RBMS1: variants seen among roughly 807,000 people sequenced by gnomAD.
RBMS1 encodes the protein RNA-binding motif, single-stranded-interacting protein 1.
Under a neutral mutation model 62.3 loss-of-function variants are expected in RBMS1, and 17 were observed. The observed-to-expected ratio is 0.27, with a 90% CI of 0.19 to 0.41. The LOEUF (loss-of-function observed/expected upper bound fraction) is 0.41. Ranked by LOEUF, RBMS1 falls within the 10% of genes least tolerant of loss-of-function variation. The probability of loss-of-function intolerance (pLI) is 1.00; values close to 1 mark genes in which losing one functional copy is unlikely to be tolerated. For synonymous variants in RBMS1, 172 were observed against 170.0 expected, an observed-to-expected ratio of 1.01 and a Z score of -0.09; for missense variants, 334 against 504.5, an observed-to-expected ratio of 0.66 and a Z score of 3.24.
chr2:160,381,647 C>A (rs986794834), intron 1 of RBMS1, among the ~76,000 whole-genome samples: 2 of 152,158 alleles, frequency 1.3e-5, no homozygotes, highest in Non-Finnish European at 2.9e-5. Context: ...GAGGCATATG[C>A]CATTCAGTTT....
At chr2:160,368,499 CCCCTTACAA>C (rs1432757589) in intron 1 of RBMS1, among the ~76,000 whole-genome samples, 2 of 152,146 alleles carry the variant, frequency 1.3e-5, no homozygotes, top group Non-Finnish European at 2.9e-5. Context: ...GAGAAGCAGA[CCCCTTACAA>C]TAAGCATATC....
chr2:160,402,169 T>A (rs1193317419), intron 1 of RBMS1: 1 of 152,190 alleles, frequency 6.6e-6, no homozygotes, highest in African/African-American at 2.4e-5. Flanking sequence ...GGCACTATTA[T>A]CTTTACTTAG....
chr2:160,479,216 G>C (rs1477732736), intron 1 of RBMS1, among the ~76,000 whole-genome samples: 2 of 152,234 alleles, frequency 1.3e-5, no homozygotes, highest in African/African-American at 2.4e-5. Context: ...AAAATCTTTA[G>C]GAATGTGGCA....
intron 1 of RBMS1, among the ~76,000 whole-genome samples, chr2:160,404,074 A>G (rs1045751171): frequency 1.5e-4 from 23 of 152,194 alleles, no homozygotes; most frequent in African/African-American, 4.8e-4. Context: ...GATTTGCTTA[A>G]TGAACACCAT....
intron 3 of RBMS1, 137 bp downstream of exon 3, chr2:160,318,032 G>T: frequency 7.6e-7 from 1 of 1,321,344 alleles, no homozygotes; most frequent in Non-Finnish European, 1.0e-6. Flanking sequence ...CTGACACTGT[G>T]CAAGACAGAA....
At chr2:160,370,404 G>A (rs1031709871) in intron 1 of RBMS1, among the ~76,000 whole-genome samples, 2 of 152,216 alleles carry the variant, frequency 1.3e-5, no homozygotes, top group Admixed American at 6.5e-5. Context: ...GGAGGCCGAG[G>A]TGGGTGGATC....
At chr2:160,450,556 T>TAGAAAAAAAAAAAAAAAAAAAA (rs1349442120) in intron 1 of RBMS1, among the ~76,000 whole-genome samples, 3 of 9,556 alleles carry the variant, frequency 3.1e-4, no homozygotes, top group Non-Finnish European at 7.5e-4. Context: ...AAATAAAAAA[T>TAGAAAAAAAAAAAAAAAAAAAA]AAAAAATGAA....
At chr2:160,440,112 CT>C (rs1683350748) in intron 1 of RBMS1, among the ~76,000 whole-genome samples, 1 of 81,918 alleles carries the variant, frequency 1.2e-5, no homozygotes, top group Non-Finnish European at 2.6e-5. Flanking sequence ...GGGGAGAGGG[CT>C]TTTTTCTTTT....
chr2:160,351,292 A>C lies in RBMS1; in HGVS notation c.251+15924T>G, dbSNP rs948034395. ...ATATACATATGTAACAAACCTGCAC[A>C]TTGTGTACATGTACCCTAGAACTTA... On this transcript the variant is annotated intron_variant, in intron 2 of 13. Coordinates refer to ENST00000348849, the MANE Select transcript of RBMS1 (RefSeq NM_016836.4). Among the ~76,000 whole-genome samples the C allele has an allele frequency of 2.6e-5, 4 of 152,132 alleles. No homozygotes were observed. The East Asian group carries it at 7.8e-4, about 30-fold the overall frequency.
chr2:160,426,965 G>A (rs1310474562), intron 1 of RBMS1, among the ~76,000 whole-genome samples: 1 of 152,214 alleles, frequency 6.6e-6, no homozygotes, highest in East Asian at 1.9e-4. Context: ...CCAAAGTAAG[G>A]CCGGAAACGG....
intron 4 of RBMS1, among the ~76,000 whole-genome samples, chr2:160,306,945 G>A (rs935150957): frequency 1.3e-5 from 2 of 152,018 alleles, no homozygotes; most frequent in African/African-American, 2.4e-5. Flanking sequence ...AATTATAGGT[G>A]ACCAAACATA....
In RBMS1 at chr2:160,303,486, T is replaced by A; in HGVS notation, c.404A>T (p.Gln135Leu). The change falls in exon 5 of 14, where the codon CAA (glutamine) becomes CTA (leucine). Residue 135 changes from glutamine (Q) to leucine (L), a missense_variant and splice_region_variant. Around this residue, in one of 3 missense-constraint regions of RBMS1, gnomAD observed 150 missense variants for 228.0 expected, o/e 0.66. Coordinates refer to ENST00000348849, the MANE Select transcript of RBMS1 (RefSeq NM_016836.4). ...ASGVQAQMAK[Q>L]QEQDPTNLYI... is the part of the protein sequence containing the mutation. ...GAGGTTGGTAGGATCTTGTTCCTGT[T>A]GCTAAAACAGAAGAGAGTGTTGTCC... 6.2e-7 allele frequency: 1 copy of A among 1,605,734 alleles called. No homozygotes were observed. Among genetic ancestry groups the A allele is most frequent in the South Asian group, 1.1e-5 (1 of 89,358 alleles).
At chr2:160,444,456 T>C (rs1056606669) in intron 1 of RBMS1, among the ~76,000 whole-genome samples, 1 of 152,234 alleles carries the variant, frequency 6.6e-6, no homozygotes, top group Admixed American at 6.5e-5. Flanking sequence ...TACTGTTCTG[T>C]GTACTTTGCG....
Position 160,303,452 on chromosome 2 carries a change from A to G in RBMS1, c.438T>C (p.Ser146=). Residue 146 remains serine, a synonymous_variant, in exon 5 of 14, where the codon TCT becomes TCC. Coordinates refer to ENST00000348849, the MANE Select transcript of RBMS1 (RefSeq NM_016836.4). ...QEQDPTNLYI[S]NLPLSMDEQE... is the part of the protein sequence containing the mutation. ...GCTCATCCATGGAGAGTGGCAAATTAGAAATGTAGAGGTTGGTAGGATCTT... is the reference window on the plus strand; with the variant it reads ...GCTCATCCATGGAGAGTGGCAAATTGGAAATGTAGAGGTTGGTAGGATCTT... 1 of 1,613,006 alleles carries G rather than the reference A, an allele frequency of 6.2e-7. No individual in the cohort carries two copies. The highest frequency in any genetic ancestry group is 8.5e-7 in the Non-Finnish European group (1 of 1,179,528).
chr2:160,305,269 T>C (rs7579168), intron 4 of RBMS1, among the ~76,000 whole-genome samples: 113,287 of 152,172 alleles, frequency 0.74, 42,988 homozygotes, highest in East Asian at 0.83. Context: ...CACTGACTCA[T>C]CCAGAGCAAC....
chr2:160,358,167 A>C (rs1644612373), intron 2 of RBMS1, among the ~76,000 whole-genome samples: 1 of 152,156 alleles, frequency 6.6e-6, no homozygotes, highest in Admixed American at 6.6e-5. Flanking sequence ...TTTGGTGTCC[A>C]TTTATTGGGC....
chr2:160,305,970 T>C (rs1227024845), intron 4 of RBMS1, among the ~76,000 whole-genome samples: 1 of 151,742 alleles, frequency 6.6e-6, no homozygotes, highest in Non-Finnish European at 1.5e-5. Context: ...CCTCATCTCT[T>C]AAAAAAAAGT....
At chr2:160,483,961 A>G (rs1326434851) in intron 1 of RBMS1, among the ~76,000 whole-genome samples, 2 of 151,294 alleles carry the variant, frequency 1.3e-5, no homozygotes, top group Admixed American at 6.6e-5. Context: ...CCTCTTAAGC[A>G]TAGATTTGTT....
At chr2:160,324,880 G>GTGTGTA (rs1690804999) in intron 2 of RBMS1, among the ~76,000 whole-genome samples, 8 of 76,094 alleles carry the variant, frequency 1.1e-4, no homozygotes, top group African/African-American at 3.2e-4. Flanking sequence ...GTGTGTGTGT[G>GTGTGTA]TGTATATATA....
Sources: allele counts gnomAD v4.1 joint callset (sites outside exome capture counted in the v4.1 genomes callset), GRCh38; gene constraint gnomAD v4.1.1; regional missense constraint gnomAD v4.1.1; transcripts MANE v1.5; gene names NCBI Gene and HGNC (gene_info 2026-07-23, HGNC 2026-07-21).